L3MBTL4: variants seen among roughly 807,000 people sequenced by gnomAD.
L3MBTL4 encodes the protein L3MBTL histone methyl-lysine binding protein 4.
Under a neutral mutation model 84.5 loss-of-function variants are expected in L3MBTL4, and 70 were observed. The ratio of observed to expected loss-of-function variants is 0.83; its 90% CI spans 0.68 to 1.01. L3MBTL4 has a LOEUF of 1.01. Among genes scored for constraint, L3MBTL4 ranks in the 50% least tolerant of loss-of-function variants. The pLI is 0.00. For synonymous variants in L3MBTL4, 274 were observed against 259.8 expected, an observed-to-expected ratio of 1.05 and a Z score of -0.52; for missense variants, 715 against 754.8, an observed-to-expected ratio of 0.95 and a Z score of 0.62.
At chr18:6,402,952 C>T (rs996315037) in intron 1 of L3MBTL4, among the ~76,000 whole-genome samples, 4 of 152,070 alleles carry the variant, frequency 2.6e-5, no homozygotes, top group African/African-American at 9.7e-5. Flanking sequence ...TTTATCAAAC[C>T]AGTAGTGCTC....
At chr18:6,382,234 A>G (rs561032309) in intron 1 of L3MBTL4, among the ~76,000 whole-genome samples, 1 of 151,972 alleles carries the variant, frequency 6.6e-6, no homozygotes, top group African/African-American at 2.4e-5. Flanking sequence ...AATTTGTCTA[A>G]CCTTTTTTCA....
intron 16 of L3MBTL4, among the ~76,000 whole-genome samples, chr18:6,011,536 T>G (rs1429232890): frequency 2.6e-5 from 4 of 152,210 alleles, no homozygotes; most frequent in African/African-American, 9.6e-5. Flanking sequence ...TATTTACCCA[T>G]TCTAATATTT....
At chr18:6,272,109 G>C (rs573043559) in intron 4 of L3MBTL4, among the ~76,000 whole-genome samples, 1 of 152,308 alleles carries the variant, frequency 6.6e-6, no homozygotes, top group South Asian at 2.1e-4. Flanking sequence ...CAGTTCTTCC[G>C]TTGAGGGAAA....
In L3MBTL4 at chr18:6,080,873, G is replaced by A. The variant is rs748322969; in HGVS notation, c.1444+8C>T. 2.5e-6 allele frequency: 4 copies of A among 1,585,684 alleles called. No homozygotes were observed. The highest frequency in any genetic ancestry group is 2.6e-6 in the Non-Finnish European group (3 of 1,160,694). ...TATTCTGTGTTTTGCTAGTGTTTTT[G>A]TTTTTACCTCTGAAGAGATTATCCA... On this transcript the variant is annotated splice_region_variant and intron_variant, in intron 16 of 18. Transcript: ENST00000317931.
At chr18:6,011,772 T>C (rs2054751276) in intron 16 of L3MBTL4, among the ~76,000 whole-genome samples, 2 of 152,216 alleles carry the variant, frequency 1.3e-5, no homozygotes. Context: ...ACAGACCCAT[T>C]AGACATGGAG....
intron 14 of L3MBTL4, among the ~76,000 whole-genome samples, chr18:6,129,926 T>C (rs184104907): frequency 1.4e-3 from 217 of 152,320 alleles, no homozygotes; most frequent in African/African-American, 5.1e-3. Flanking sequence ...CTGTATATTC[T>C]TATGTCTGTT....
At position 5,956,483 on chromosome 18, in the gene L3MBTL4, C is replaced by T. The variant is rs576549979; in HGVS notation, c.1678-96G>A. ...TTGGTTCTGAGTGTGATGTGGAACC[C>T]GTCATAGCCTCCGTGTTGAGCTCAC... On this transcript the variant is annotated intron_variant, in intron 18 of 18. Coordinates refer to ENST00000317931, the MANE Select transcript of L3MBTL4 (RefSeq NM_001330559.2). 1.0e-4 allele frequency: 117 copies of T among 1,115,970 alleles called. No homozygotes were observed. The East Asian group carries it at 2.5e-3, about 24-fold the overall frequency. 69.1% of individuals were successfully genotyped at this position (1,115,970 alleles called of 1,614,324 possible). A position where few individuals can be genotyped will look rare whatever the true frequency, so the allele number is the denominator to read the frequency against.
At chr18:6,368,959 T>C (rs2054044897) in intron 1 of L3MBTL4, among the ~76,000 whole-genome samples, 2 of 151,590 alleles carry the variant, frequency 1.3e-5, no homozygotes, top group Non-Finnish European at 2.9e-5. Context: ...GGAGAATCAA[T>C]TGAACTCGGA....
intron 16 of L3MBTL4, among the ~76,000 whole-genome samples, chr18:6,046,413 G>A (rs960923020): frequency 6.6e-6 from 1 of 152,082 alleles, no homozygotes; most frequent in Non-Finnish European, 1.5e-5. Flanking sequence ...AGACCTAATA[G>A]GCATCTACAG....
In L3MBTL4 at chr18:6,390,994, A is replaced by G. The variant is rs76301074; in HGVS notation, c.-91+23807T>C. 3.7e-3 allele frequency among the ~76,000 whole-genome samples: 566 copies of G among 152,218 alleles called. 3 individuals are homozygous for G. Among genetic ancestry groups the G allele is most frequent in the Admixed American group, 5.8e-3 (89 of 15,288 alleles). On this transcript the variant is annotated intron_variant, in intron 1 of 18. Transcript: ENST00000317931. ...TAATTCATTTGATGAAACCAGTACC[A>G]CCCTGATACCACAACCAGGAAAGGA...
At chr18:6,159,549 C>T (rs1158820809) in intron 13 of L3MBTL4, among the ~76,000 whole-genome samples, 1 of 152,190 alleles carries the variant, frequency 6.6e-6, no homozygotes, top group African/African-American at 2.4e-5. Context: ...CCAAGCTGAG[C>T]GAGCAGCTTT....
intron 1 of L3MBTL4, among the ~76,000 whole-genome samples, chr18:6,339,327 A>G (rs558500501): frequency 6.6e-6 from 1 of 152,384 alleles, no homozygotes; most frequent in South Asian, 2.1e-4. Context: ...TAATCAAGCA[A>G]GAAATCAATC....
intron 12 of L3MBTL4, among the ~76,000 whole-genome samples, chr18:6,176,271 A>G (rs1055475421): frequency 1.4e-4 from 21 of 152,228 alleles, no homozygotes; most frequent in African/African-American, 4.8e-4. Context: ...AAAAATTAAC[A>G]AAGTTGGAGA....
intron 13 of L3MBTL4, among the ~76,000 whole-genome samples, chr18:6,169,272 A>G (rs557884021): frequency 4.6e-5 from 7 of 152,298 alleles, no homozygotes; most frequent in African/African-American, 1.7e-4. Context: ...ACAGGGTGGC[A>G]ATTCCTCAGG....
At chr18:6,384,470 T>C (rs575851965) in intron 1 of L3MBTL4, among the ~76,000 whole-genome samples, 1 of 152,284 alleles carries the variant, frequency 6.6e-6, no homozygotes, top group African/African-American at 2.4e-5. Flanking sequence ...CAGACACTTT[T>C]CTCTGTTGAA....
intron 13 of L3MBTL4, among the ~76,000 whole-genome samples, chr18:6,159,373 C>G (rs953022957): frequency 3.9e-5 from 6 of 152,178 alleles, no homozygotes; most frequent in African/African-American, 9.7e-5. Flanking sequence ...CACTCTGGCT[C>G]TAACAAGCTG....
At chr18:6,248,714 C>CT (rs2047794092) in intron 5 of L3MBTL4, among the ~76,000 whole-genome samples, 2 of 152,166 alleles carry the variant, frequency 1.3e-5, no homozygotes, top group Non-Finnish European at 2.9e-5. Flanking sequence ...TTGCACGTGG[C>CT]TTTTTGCATT....
chr18:6,048,193 T>C (rs1314442645), intron 16 of L3MBTL4, among the ~76,000 whole-genome samples: 1 of 152,066 alleles, frequency 6.6e-6, no homozygotes, highest in Non-Finnish European at 1.5e-5. Context: ...GTGAAAGATC[T>C]CTATAAAGAA....
intron 1 of L3MBTL4, among the ~76,000 whole-genome samples, chr18:6,312,731 C>T (rs889495476): frequency 7.9e-5 from 12 of 152,232 alleles, no homozygotes; most frequent in African/African-American, 2.9e-4. Flanking sequence ...TCACACCGTA[C>T]ATATTGTCAT....
Sources: allele counts gnomAD v4.1 joint callset (sites outside exome capture counted in the v4.1 genomes callset), GRCh38; gene constraint gnomAD v4.1.1; transcripts MANE v1.5; gene names NCBI Gene and HGNC (gene_info 2026-07-23, HGNC 2026-07-21).